NRG3: variants seen among roughly 807,000 people sequenced by gnomAD.
NRG3 encodes the protein neuregulin 3.
Under a neutral mutation model 66.9 loss-of-function variants are expected in NRG3, and 31 were observed. That is an observed-to-expected ratio of 0.46 (90% CI 0.35 to 0.63). NRG3 has a LOEUF of 0.63. NRG3 is among the 20% of genes least tolerant of loss of function. The probability of loss-of-function intolerance (pLI) is 0.00; values close to 1 mark genes in which losing one functional copy is unlikely to be tolerated. For missense variants in NRG3, 910 were observed against 878.9 expected, an observed-to-expected ratio of 1.04 and a Z score of -0.45; for synonymous variants, 393 against 359.4, an observed-to-expected ratio of 1.09 and a Z score of -1.06.
intron 2 of NRG3, among the ~76,000 whole-genome samples, chr10:82,709,709 C>A (rs1380102436): frequency 6.6e-6 from 1 of 152,068 alleles, no homozygotes; most frequent in African/African-American, 2.4e-5. Flanking sequence ...CATACCATGT[C>A]CCACTAGTTG....
intron 1 of NRG3, among the ~76,000 whole-genome samples, chr10:82,176,906 A>ACACACACACACACAG (rs1251109253): frequency 1.9e-5 from 1 of 51,544 alleles, no homozygotes; most frequent in East Asian, 4.3e-4. Context: ...CACACACACA[A>ACACACACACACACAG]ACACACACAC....
chr10:82,920,797 C>G (rs942435594), intron 4 of NRG3, among the ~76,000 whole-genome samples: 1 of 151,998 alleles, frequency 6.6e-6, no homozygotes, highest in Admixed American at 6.6e-5. Context: ...AAAGCTGGAA[C>G]AATTTGAGCA....
intron 1 of NRG3, among the ~76,000 whole-genome samples, chr10:82,288,040 T>C (rs1163371187): frequency 2.0e-5 from 3 of 152,218 alleles, no homozygotes; most frequent in Admixed American, 6.5e-5. Flanking sequence ...ACTACAGATA[T>C]GTGATTATAA....
chr10:82,851,692 A>G lies in NRG3; in HGVS notation c.1028-13719A>G, dbSNP rs1048953674. Among the ~76,000 whole-genome samples the G allele has an allele frequency of 6.6e-5, 10 of 152,182 alleles. 2 individuals are homozygous for G. The South Asian group carries it at 1.0e-3, about 16-fold the overall frequency. On this transcript the variant is annotated intron_variant, in intron 3 of 8. Transcript: ENST00000372141. ...CAGGAGAGAAGGAACTACAAATAAG[A>G]GAGATCACCTTGAACAAAAGTTCGA...
rs189738083 is a variant in NRG3 at position 82,454,349 on chromosome 10, C to T, written c.953+95481C>T. On this transcript the variant is annotated intron_variant, in intron 2 of 8. Coordinates refer to ENST00000372141, the MANE Select transcript of NRG3 (RefSeq NM_001010848.4). ...AAGAAGTTTGAACTATGAGTACTCC[C>T]CTTTCTAAAACTGGTTATGAGGAAG... 2.3e-3 allele frequency among the ~76,000 whole-genome samples: 348 copies of T among 152,012 alleles called. 4 individuals are homozygous for T. The highest frequency in any genetic ancestry group is 8.1e-3 in the African/African-American group (336 of 41,462).
intron 2 of NRG3, among the ~76,000 whole-genome samples, chr10:82,391,136 G>A (rs1241287822): frequency 3.3e-5 from 5 of 152,130 alleles, no homozygotes; most frequent in Non-Finnish European, 5.9e-5. Context: ...ATAAACGTAT[G>A]ACAACATTGC....
intron 2 of NRG3, among the ~76,000 whole-genome samples, chr10:82,639,543 CA>C (rs1437946515): frequency 1.3e-5 from 2 of 152,156 alleles, no homozygotes; most frequent in African/African-American, 4.8e-5. Context: ...TGAATAAAGA[CA>C]ATGGGATATT....
At position 82,076,676 on chromosome 10, in the gene NRG3, CTT is replaced by C. The variant is rs919446449; in HGVS notation, c.823+200514_823+200515del. ...TGTTTAAAGGTGTCTGGCACCTCCTCTTCTCTCTCTCTTGCTCCCTCTGTTCC... is the reference window on the plus strand; with the variant it reads ...TGTTTAAAGGTGTCTGGCACCTCCTCCTCTCTCTCTTGCTCCCTCTGTTCC... On this transcript the variant is annotated intron_variant, in intron 1 of 8. Transcript: ENST00000372141. Among the ~76,000 whole-genome samples, 190 of 152,246 alleles carry C rather than the reference CTT, an allele frequency of 1.2e-3. 1 individual carries two copies. The highest frequency in any genetic ancestry group is 9.2e-3 in the Admixed American group (141 of 15,288).
At chr10:82,373,457 C>T (rs915906553) in intron 2 of NRG3, among the ~76,000 whole-genome samples, 11 of 152,164 alleles carry the variant, frequency 7.2e-5, no homozygotes, top group African/African-American at 2.4e-4. Flanking sequence ...CCCTGGAGTC[C>T]TCTGACAGCA....
chr10:82,074,241 A>G (rs781662366), intron 1 of NRG3, among the ~76,000 whole-genome samples: 1 of 152,146 alleles, frequency 6.6e-6, no homozygotes, highest in Non-Finnish European at 1.5e-5. Context: ...AGGCAGAATC[A>G]TCCTTGCTGT....
chr10:82,405,244 G>T (rs757777564), intron 2 of NRG3, among the ~76,000 whole-genome samples: 7 of 152,070 alleles, frequency 4.6e-5, no homozygotes, highest in Non-Finnish European at 8.8e-5. Flanking sequence ...AGAAGGATGT[G>T]TGCATACCAG....
intron 2 of NRG3, among the ~76,000 whole-genome samples, chr10:82,485,142 G>T (rs1842581786): frequency 6.6e-6 from 1 of 152,050 alleles, no homozygotes; most frequent in Non-Finnish European, 1.5e-5. Context: ...TGTGATACTT[G>T]TTCATTACGA....
intron 2 of NRG3, among the ~76,000 whole-genome samples, chr10:82,663,657 C>T (rs2052540802): frequency 6.6e-6 from 1 of 152,180 alleles, no homozygotes; most frequent in Non-Finnish European, 1.5e-5. Flanking sequence ...CAAGTGTTTG[C>T]AGCTTTGGGG....
At chr10:82,147,420 G>A (rs2070338280) in intron 1 of NRG3, among the ~76,000 whole-genome samples, 1 of 152,170 alleles carries the variant, frequency 6.6e-6, no homozygotes, top group Non-Finnish European at 1.5e-5. Context: ...TTACCTGGTT[G>A]TCCTTAGTTC....
intron 1 of NRG3, among the ~76,000 whole-genome samples, chr10:82,143,841 G>A (rs2070010846): frequency 6.6e-6 from 1 of 151,980 alleles, no homozygotes; most frequent in Admixed American, 6.6e-5. Flanking sequence ...ATTGGCCTGG[G>A]CAACATGGCA....
At chr10:82,973,168 G>C (rs1248417336) in intron 6 of NRG3, among the ~76,000 whole-genome samples, 1 of 152,142 alleles carries the variant, frequency 6.6e-6, no homozygotes, top group Admixed American at 6.6e-5. Context: ...TTCTGAAGTT[G>C]TCATCTACAT....
rs1277114644 is a variant in NRG3, at chr10:82,306,184, A to G, written c.824-52555A>G. On this transcript the variant is annotated intron_variant, in intron 1 of 8. Transcript: ENST00000372141. The stretch of plus-strand genomic sequence containing the variant: ...ATTGAACTATGCTTGGATTATTTGT[A>G]TTAACACTTGATCATGATGTATTAT... 2.6e-5 allele frequency among the ~76,000 whole-genome samples: 4 copies of G among 152,176 alleles called. No individual in the cohort carries two copies. In the South Asian group the frequency reaches 8.3e-4, roughly 31 times the overall value.
At chr10:82,972,788 T>C (rs971403592) in intron 6 of NRG3, among the ~76,000 whole-genome samples, 12 of 152,276 alleles carry the variant, frequency 7.9e-5, no homozygotes, top group African/African-American at 2.9e-4. Flanking sequence ...TCTCACCATA[T>C]AGATGTGAGA....
At chr10:82,008,713 G>A (rs889749056) in intron 1 of NRG3, among the ~76,000 whole-genome samples, 3 of 151,772 alleles carry the variant, frequency 2.0e-5, no homozygotes, top group African/African-American at 7.3e-5. Flanking sequence ...TTTTTCCTTG[G>A]TACCCATGAG....
Sources: gnomAD v4.1 joint callset for allele counts (sites outside exome capture counted in the v4.1 genomes callset) on GRCh38, gnomAD v4.1.1 for gene constraint, MANE v1.5 for transcripts, NCBI Gene and HGNC (gene_info 2026-07-23, HGNC 2026-07-21) for gene names.